The following PCM1 variants were observed in gnomAD, a reference collection of about 807,000 sequenced individuals.
The protein encoded by PCM1 is pericentriolar material 1, also known as pericentriolar material 1 protein.
A neutral mutation model predicts 241.9 loss-of-function variants in PCM1; 157 were observed. The observed-to-expected ratio is 0.65, with a 90% CI of 0.57 to 0.74. The LOEUF is 0.74. Among genes scored for constraint, PCM1 ranks in the 30% least tolerant of loss-of-function variants. The pLI is 0.00. For synonymous variants in PCM1, 1,085 were observed against 784.9 expected (o/e 1.38, Z -6.39); for missense variants, 3,478 against 2,360.1 (o/e 1.47, Z -9.81).
Position 18,028,946 on chromosome 8 carries a change from T to C in PCM1, c.*1284T>C, listed in dbSNP as rs530212730. 13 of 179,672 alleles carry C rather than the reference T, an allele frequency of 7.2e-5. No homozygotes were observed. Among genetic ancestry groups the C allele is most frequent in the African/African-American group, 3.1e-4 (13 of 42,458 alleles). 11.1% of individuals were successfully genotyped at this position (179,672 alleles called of 1,614,324 possible). On this transcript the variant is annotated 3_prime_UTR_variant, in exon 39 of 39. Transcript: ENST00000325083. ...GCGGGCAGATCACGAGGTCAAGAGATTGAGACCATCCTGCCCAACATGGGG... is the reference window on the plus strand; with the variant it reads ...GCGGGCAGATCACGAGGTCAAGAGACTGAGACCATCCTGCCCAACATGGGG...
At chr8:18,008,552 T>G (rs2091928542) in intron 30 of PCM1, among the ~76,000 whole-genome samples, 1 of 152,134 alleles carries the variant, frequency 6.6e-6, no homozygotes, top group Non-Finnish European at 1.5e-5. Context: ...CAGGTCCTGG[T>G]GCCAGAAAGG....
chr8:17,993,523 A>C lies in PCM1; in HGVS notation c.4731A>C (p.Val1577=). Residue 1577 remains valine (V), a synonymous_variant, in exon 29 of 39, where the codon GTA becomes GTC. Transcript: ENST00000325083. ...AAAATCGTAGTTCACAACAACCTGT[A>C]AGTGAAGTTTCTACCATCCCATGTC... ...VIENRSSQQP[V]SEVSTIPCPR... is the part of the protein sequence containing the mutation. 6.3e-7 allele frequency: 1 copy of C among 1,587,464 alleles called. No individual in the cohort carries two copies. The highest frequency in any genetic ancestry group is 8.6e-7 in the Non-Finnish European group (1 of 1,166,628).
intron 29 of PCM1, among the ~76,000 whole-genome samples, chr8:17,996,838 T>G (rs1379717793): frequency 6.6e-6 from 1 of 152,066 alleles, no homozygotes; most frequent in Non-Finnish European, 1.5e-5. Flanking sequence ...TTTTAACTCT[T>G]TGTTGTTTCT....
chr8:17,968,549 A>C (rs2075741399), intron 21 of PCM1, among the ~76,000 whole-genome samples: 1 of 152,094 alleles, frequency 6.6e-6, no homozygotes, highest in Non-Finnish European at 1.5e-5. Flanking sequence ...GTGACCGATT[A>C]TATGAGGTGA....
chr8:17,940,225 A>T (rs907557145), intron 6 of PCM1: 5 of 840,720 alleles, frequency 5.9e-6, no homozygotes, highest in East Asian at 2.7e-5. Flanking sequence ...AGTTTTCAAG[A>T]TGTTATTTTT....
At chr8:17,938,596 A>G (rs1348543289) in intron 4 of PCM1, 144 bp from the exon 5 acceptor site, 8 of 614,098 alleles carry the variant, frequency 1.3e-5, no homozygotes, top group East Asian at 1.1e-4. Context: ...TACAGAGCCA[A>G]AGCTCTTTCA....
chr8:17,932,155 T>C (rs893576574), intron 2 of PCM1, among the ~76,000 whole-genome samples: 3 of 152,280 alleles, frequency 2.0e-5, no homozygotes, highest in African/African-American at 7.2e-5. Flanking sequence ...ACCCAGCAAG[T>C]GTAGTACAGT....
intron 2 of PCM1, among the ~76,000 whole-genome samples, chr8:17,932,487 A>G (rs1313113088): frequency 6.6e-6 from 1 of 151,986 alleles, no homozygotes; most frequent in Non-Finnish European, 1.5e-5. Flanking sequence ...ATAGTTTCTT[A>G]TTTTAATTTG....
At chr8:17,978,645 A>G (rs1388775512) in intron 23 of PCM1, among the ~76,000 whole-genome samples, 2 of 152,142 alleles carry the variant, frequency 1.3e-5, no homozygotes, top group African/African-American at 2.4e-5. Context: ...CAGAATGAAA[A>G]GGAGATACTA....
rs2061490242 is a variant in PCM1, at chr8:17,939,753, T to C, written c.675T>C (p.Asp225=). The change falls in exon 6 of 39, where the codon GAT becomes GAC. Residue 225 remains aspartate, a synonymous_variant. Transcript: ENST00000325083. ...CTAAAGCTAGTTCCATGCGGGAAGA[T>C]CTTGTAGAGAAAAATGAGAGATCTG... ...YITKASSMRE[D]LVEKNERSAN... 4 of 1,558,782 alleles carry C rather than the reference T, an allele frequency of 2.6e-6. No homozygotes were observed. The highest frequency in any genetic ancestry group is 3.5e-6 in the Non-Finnish European group (4 of 1,147,802).
intron 2 of PCM1, chr8:17,926,441 A>T (rs1051245376): frequency 6.6e-6 from 1 of 152,236 alleles, no homozygotes; most frequent in Non-Finnish European, 1.5e-5. Context: ...CAGATAAAAC[A>T]GTGTGCAAAA....
chr8:17,953,891 T>G (rs1052383673), intron 9 of PCM1, among the ~76,000 whole-genome samples: 1 of 152,162 alleles, frequency 6.6e-6, no homozygotes, highest in Non-Finnish European at 1.5e-5. Context: ...TTCCAACTAG[T>G]CTTTAAACAT....
intron 36 of PCM1, among the ~76,000 whole-genome samples, chr8:18,018,564 G>A (rs547576193): frequency 6.6e-6 from 1 of 152,106 alleles, no homozygotes; most frequent in East Asian, 1.9e-4. Flanking sequence ...TTTAATCCCA[G>A]CACTTTGGGA....
chr8:17,957,495 T>C (rs757160944), intron 12 of PCM1, 45 bp from the exon 13 acceptor site: 5 of 1,606,450 alleles, frequency 3.1e-6, no homozygotes, highest in Admixed American at 1.7e-5. Flanking sequence ...ATGTGTGCTC[T>C]TTCCTTTAAA....
chr8:17,924,598 C>T (rs2056156094), intron 1 of PCM1, 115 bp from the exon 2 acceptor site: 2 of 152,136 alleles, frequency 1.3e-5, no homozygotes, highest in African/African-American at 4.8e-5. Flanking sequence ...TTATATTTTT[C>T]CCCTTCTTTT....
chr8:18,028,396 T>C lies in PCM1; in HGVS notation c.*734T>C, dbSNP rs572447947. 12 of 193,864 alleles carry C rather than the reference T, an allele frequency of 6.2e-5. No individual in the cohort carries two copies. The highest frequency in any genetic ancestry group is 2.8e-4 in the African/African-American group (12 of 43,240). The allele number at this position is 193,864 out of a possible 1,614,324, so 12.0% of individuals were successfully genotyped here. On this transcript the variant is annotated 3_prime_UTR_variant, in exon 39 of 39. Coordinates refer to ENST00000325083, the MANE Select transcript of PCM1 (RefSeq NM_006197.4). Reference sequence around the variant, plus strand: ...AGACTAAAAGTAAAAAAAATAAGCTTTATATAATTAGGGAGATTTCTGCAC... The same window carrying C: ...AGACTAAAAGTAAAAAAAATAAGCTCTATATAATTAGGGAGATTTCTGCAC...
intron 24 of PCM1, among the ~76,000 whole-genome samples, chr8:17,984,876 G>T (rs958740043): frequency 1.3e-5 from 2 of 151,924 alleles, no homozygotes; most frequent in Non-Finnish European, 2.9e-5. Flanking sequence ...ACACAATGGT[G>T]AAATTGACCT....
chr8:17,972,972 C>T (rs1014108415), intron 23 of PCM1, among the ~76,000 whole-genome samples: 25 of 152,024 alleles, frequency 1.6e-4, no homozygotes, highest in Non-Finnish European at 2.5e-4. Flanking sequence ...CAAATGCCCA[C>T]GTTTACTATT....
At chr8:17,939,375 A>ATAACAATATTATG (rs71215288) in intron 5 of PCM1, among the ~76,000 whole-genome samples, 116,303 of 151,870 alleles carry the variant, frequency 0.77, 44,937 homozygotes, top group Middle Eastern at 0.8. Flanking sequence ...TAATTAATTT[A>ATAACAATATTATG]TAAACATTAG....
Sources: allele counts gnomAD v4.1 joint callset (sites outside exome capture counted in the v4.1 genomes callset), GRCh38; gene constraint gnomAD v4.1.1; transcripts MANE v1.5; gene names NCBI Gene and HGNC (gene_info 2026-07-23, HGNC 2026-07-21).